The following SLC6A2 variants were observed in gnomAD, a reference collection of about 807,000 sequenced individuals.
SLC6A2 encodes solute carrier family 6 member 2.
A neutral mutation model predicts 71.7 loss-of-function variants in SLC6A2; 26 were observed. The observed-to-expected ratio is 0.36, with a 90% CI of 0.27 to 0.50. The LOEUF is 0.50. Ranked by LOEUF, SLC6A2 falls within the 20% of genes least tolerant of loss-of-function variation. The pLI, the probability that SLC6A2 is intolerant of heterozygous loss-of-function variation, is 0.96. For synonymous variants in SLC6A2, 363 were observed against 337.9 expected (o/e 1.07, Z -0.82); for missense variants, 581 against 803.9 (o/e 0.72, Z 3.35).
rs761330183 is a variant in SLC6A2, at chr16:55,656,741, G to T, written c.47G>T (p.Gly16Val). The change falls in exon 2 of 15, where the codon GGG (glycine) becomes GTG (valine). Residue 16 changes from glycine to valine, a missense_variant. Transcript: ENST00000568943. The surrounding 1 kb of genome is among the most constrained non-coding windows in gnomAD (Gnocchi z 4.5). ...CCGCAGGTGCAGCCCGAGAACAACGGGGCGGACACGGGTCCAGAGCAGCCC... is the reference window on the plus strand; with the variant it reads ...CCGCAGGTGCAGCCCGAGAACAACGTGGCGGACACGGGTCCAGAGCAGCCC... Reference protein sequence around the residue: ...MNPQVQPENNGADTGPEQPLR... With the variant: ...MNPQVQPENNVADTGPEQPLR... The T allele has an allele frequency of 1.9e-6, 3 of 1,613,002 alleles. No homozygotes were observed. Among genetic ancestry groups the T allele is most frequent in the Non-Finnish European group, 2.5e-6 (3 of 1,179,900 alleles).
chr16:55,658,199 G>A (rs188744812), intron 2 of SLC6A2, among the ~76,000 whole-genome samples: 45 of 152,184 alleles, frequency 3.0e-4, no homozygotes, highest in Middle Eastern at 3.4e-3. Flanking sequence ...TTTGGGACGG[G>A]CAATACTTGG....
At chr16:55,682,530 C>G (rs1216507875) in intron 4 of SLC6A2, among the ~76,000 whole-genome samples, 1 of 152,178 alleles carries the variant, frequency 6.6e-6, no homozygotes, top group East Asian at 1.9e-4. Flanking sequence ...CCTATGATCT[C>G]TCATGAGCTA....
chr16:55,701,861 A>G lies in SLC6A2; in HGVS notation c.1759-2A>G. 1 of 1,613,490 alleles carries G rather than the reference A, an allele frequency of 6.2e-7. No individual in the cohort carries two copies. The highest frequency in any genetic ancestry group is 1.1e-5 in the South Asian group (1 of 91,070). On this transcript the variant is annotated splice_acceptor_variant, in intron 13 of 14. Transcript: ENST00000568943. LOFTEE classifies it high-confidence loss of function. ...GGCCTCCTCCCCTTCTCTTCCTTTC[A>G]GAGACTGGCCTATGGCATCACGCCA...
rs1966072558 is a variant in SLC6A2 at position 55,704,993 on chromosome 16, A to G, written c.*2647A>G. The G allele has an allele frequency of 2.1e-6, 1 of 470,470 alleles. No individual in the cohort carries two copies. Among genetic ancestry groups the G allele is most frequent in the South Asian group, 3.8e-5 (1 of 26,584 alleles). 29.1% of individuals were successfully genotyped at this position (470,470 alleles called of 1,614,324 possible). Reference sequence around the variant, plus strand: ...GGAGAGAGAGTATGGGCTTTATGTTAAGTCATCTTTGACTTCCTTTTTGTA... The same window carrying G: ...GGAGAGAGAGTATGGGCTTTATGTTGAGTCATCTTTGACTTCCTTTTTGTA... On this transcript the variant is annotated 3_prime_UTR_variant, in exon 15 of 15. Transcript: ENST00000568943.
intron 4 of SLC6A2, among the ~76,000 whole-genome samples, chr16:55,678,738 AT>A (rs1240596984): frequency 6.6e-6 from 1 of 152,224 alleles, no homozygotes; most frequent in Admixed American, 6.5e-5. Flanking sequence ...CAAGTGAGAA[AT>A]TGAGCTTTTT....
chr16:55,672,466 C>T (rs1427094025), intron 4 of SLC6A2, among the ~76,000 whole-genome samples: 7 of 152,122 alleles, frequency 4.6e-5, no homozygotes, highest in African/African-American at 1.7e-4. Flanking sequence ...GGGAATGCAA[C>T]ACTTTCTGGG....
chr16:55,687,816 T>A (rs1423119319), intron 5 of SLC6A2, among the ~76,000 whole-genome samples: 3 of 152,162 alleles, frequency 2.0e-5, no homozygotes, highest in Non-Finnish European at 4.4e-5. Flanking sequence ...GAGTGGAGTA[T>A]ATGTTGTCTG....
Position 55,656,259 on chromosome 16 carries a change from G to A in SLC6A2, c.-52+90G>A. 1 of 288,870 alleles carries A rather than the reference G, an allele frequency of 3.5e-6. No homozygotes were observed. The highest frequency in any genetic ancestry group is 6.7e-6 in the Non-Finnish European group (1 of 149,368). The allele number at this position is 288,870 out of a possible 1,614,324, so 17.9% of individuals were successfully genotyped here. On this transcript the variant is annotated intron_variant, in intron 1 of 14. Coordinates refer to ENST00000568943, the MANE Select transcript of SLC6A2 (RefSeq NM_001172501.3). The surrounding 1 kb of genome is among the most constrained non-coding windows in gnomAD (Gnocchi z 4.5). The stretch of plus-strand genomic sequence containing the variant: ...AGCAGAGGGCTAGCGAGTTTGTAGT[G>A]CAGTGACGTTAAGTGTCCGAGAAGG...
At chr16:55,689,399 T>C (rs1965547241) in intron 5 of SLC6A2, among the ~76,000 whole-genome samples, 1 of 152,238 alleles carries the variant, frequency 6.6e-6, no homozygotes, top group South Asian at 2.1e-4. Flanking sequence ...AGCTCAGTCA[T>C]GGCCTGATGT....
At chr16:55,672,288 T>C (rs1396146614) in intron 4 of SLC6A2, 113 bp downstream of exon 4, 4 of 1,573,434 alleles carry the variant, frequency 2.5e-6, no homozygotes, top group African/African-American at 1.3e-5. Flanking sequence ...AGGATATTAA[T>C]GTTTACTGAG....
chr16:55,685,021 G>A (rs1567446277), intron 4 of SLC6A2, 122 bp from the exon 5 acceptor site: 8 of 951,952 alleles, frequency 8.4e-6, no homozygotes, highest in South Asian at 2.8e-5. Context: ...CCCTGAGTTA[G>A]GGGAGAGTGG....
intron 4 of SLC6A2, among the ~76,000 whole-genome samples, chr16:55,674,021 T>C (rs1299413302): frequency 6.6e-6 from 1 of 152,234 alleles, no homozygotes; most frequent in Admixed American, 6.5e-5. Flanking sequence ...TTGTTGTTAT[T>C]ATTATTATTT....
chr16:55,669,466 G>A (rs1030198875), intron 2 of SLC6A2, 99 bp from the exon 3 acceptor site: 4 of 1,338,542 alleles, frequency 3.0e-6, no homozygotes, highest in Non-Finnish European at 4.3e-6. Flanking sequence ...ACAGCCAGCT[G>A]AGCAGACGCC....
Position 55,705,496 on chromosome 16 carries a change from G to T in SLC6A2, c.*3150G>T. ...AAACAGAGAAGGTGTGTAGTGTGGC[G>T]GAAAAAGCACAGCATATAGTTTTAC... On this transcript the variant is annotated 3_prime_UTR_variant, in exon 15 of 15. Transcript: ENST00000568943. 2.1e-6 allele frequency: 1 copy of T among 485,498 alleles called. No individual in the cohort carries two copies. Among genetic ancestry groups the T allele is most frequent in the Non-Finnish European group, 3.6e-6 (1 of 275,300 alleles). 30.1% of individuals were successfully genotyped at this position (485,498 alleles called of 1,614,324 possible). A position where few individuals can be genotyped will look rare whatever the true frequency, so the allele number is the denominator to read the frequency against.
chr16:55,679,933 C>T (rs1175028352), intron 4 of SLC6A2, among the ~76,000 whole-genome samples: 1 of 152,174 alleles, frequency 6.6e-6, no homozygotes, highest in African/African-American at 2.4e-5. Flanking sequence ...GACAGGGGTG[C>T]ACACTGTCTT....
chr16:55,660,647 T>A (rs1964585706), intron 2 of SLC6A2, among the ~76,000 whole-genome samples: 1 of 151,126 alleles, frequency 6.6e-6, no homozygotes. Flanking sequence ...CAGTGTGTGA[T>A]CTCGGGCATA....
At chr16:55,691,480 C>T (rs1200917873) in intron 5 of SLC6A2, among the ~76,000 whole-genome samples, 2 of 152,166 alleles carry the variant, frequency 1.3e-5, no homozygotes, top group Non-Finnish European at 2.9e-5. Context: ...CGCACAACTT[C>T]AATGACAGGT....
intron 2 of SLC6A2, among the ~76,000 whole-genome samples, chr16:55,668,424 T>C (rs938067883): frequency 1.3e-5 from 2 of 152,180 alleles, no homozygotes; most frequent in African/African-American, 4.8e-5. Context: ...AATGTTACCA[T>C]TGTTAAAGTA....
rs1966055358 is a variant in SLC6A2, at chr16:55,704,269, A to G, written c.*1923A>G. ...GCAGGGCTATAGCTTCTATCTCCCC[A>G]TTTCCCAGGTGAGAGAACCAAGGCC... On this transcript the variant is annotated 3_prime_UTR_variant, in exon 15 of 15. Coordinates refer to ENST00000568943, the MANE Select transcript of SLC6A2 (RefSeq NM_001172501.3). 6.6e-6 allele frequency: 1 copy of G among 152,110 alleles called. No individual in the cohort carries two copies. The highest frequency in any genetic ancestry group is 1.5e-5 in the Non-Finnish European group (1 of 68,032). The allele number at this position is 152,110 out of a possible 1,614,324, so 9.4% of individuals were successfully genotyped here.
Sources: gnomAD v4.1 joint callset for allele counts (sites outside exome capture counted in the v4.1 genomes callset) on GRCh38, gnomAD v4.1.1 for gene constraint, Gnocchi (gnomAD v3.1) non-coding constraint, MANE v1.5 for transcripts, NCBI Gene and HGNC (gene_info 2026-07-23, HGNC 2026-07-21) for gene names.